Variants in KCND2 observed in about 807,000 individuals in gnomAD.
The protein encoded by KCND2 is A-type voltage-gated potassium channel KCND2.
KCND2 carries 16 observed loss-of-function variants against 54.4 expected under a neutral mutation model. That is an observed-to-expected ratio of 0.29 (90% CI 0.20 to 0.45). The LOEUF (loss-of-function observed/expected upper bound fraction) is 0.45. Ranked by LOEUF, KCND2 falls within the 20% of genes least tolerant of loss-of-function variation. The pLI is 1.00. For synonymous variants in KCND2, 317 were observed against 310.7 expected, an observed-to-expected ratio of 1.02 and a Z score of -0.21; for missense variants, 486 against 824.2, an observed-to-expected ratio of 0.59 and a Z score of 5.02.
chr7:120,426,360 T>C (rs1801705806), intron 1 of KCND2, among the ~76,000 whole-genome samples: 1 of 152,164 alleles, frequency 6.6e-6, no homozygotes, highest in Non-Finnish European at 1.5e-5. Flanking sequence ...ATAGGATTTC[T>C]TCATGTTCCA....
chr7:120,537,478 C>G (rs999618001), intron 1 of KCND2, among the ~76,000 whole-genome samples: 1 of 152,162 alleles, frequency 6.6e-6, no homozygotes, highest in Non-Finnish European at 1.5e-5. Flanking sequence ...TATCCCCTAA[C>G]AAGAAAGTCA....
At chr7:120,659,010 T>C (rs1791836115) in intron 1 of KCND2, among the ~76,000 whole-genome samples, 1 of 152,226 alleles carries the variant, frequency 6.6e-6, no homozygotes, top group African/African-American at 2.4e-5. Context: ...CCTAACTTTA[T>C]ACATAACAGT....
chr7:120,430,270 G>A (rs927224271), intron 1 of KCND2, among the ~76,000 whole-genome samples: 1 of 151,920 alleles, frequency 6.6e-6, no homozygotes, highest in Non-Finnish European at 1.5e-5. Flanking sequence ...TGCCTCCCTG[G>A]TGTCTCTCCT....
chr7:120,626,086 A>G (rs1427977081), intron 1 of KCND2, among the ~76,000 whole-genome samples: 1 of 152,140 alleles, frequency 6.6e-6, no homozygotes, highest in African/African-American at 2.4e-5. Context: ...ATTTAAGATT[A>G]CTATTAAGAA....
At chr7:120,479,924 G>A (rs371231103) in intron 1 of KCND2, among the ~76,000 whole-genome samples, 4 of 141,368 alleles carry the variant, frequency 2.8e-5, no homozygotes, top group East Asian at 4.2e-4. Context: ...CCGAGATCGC[G>A]CCACTGCACT....
intron 1 of KCND2, among the ~76,000 whole-genome samples, chr7:120,649,109 G>T (rs1177203885): frequency 1.3e-5 from 2 of 151,950 alleles, no homozygotes; most frequent in Non-Finnish European, 2.9e-5. Flanking sequence ...GAAAAGTAAG[G>T]CTAGAATTAT....
intron 1 of KCND2, among the ~76,000 whole-genome samples, chr7:120,305,316 G>A (rs1398961770): frequency 6.6e-6 from 1 of 151,964 alleles, no homozygotes; most frequent in Non-Finnish European, 1.5e-5. Flanking sequence ...TTTCTTGTGG[G>A]CCTAGCTATG....
In KCND2 at chr7:120,530,124, C is replaced by G. The variant is rs566751905; in HGVS notation, c.1116-202779C>G. Among the ~76,000 whole-genome samples, 10 of 152,124 alleles carry G rather than the reference C, an allele frequency of 6.6e-5. No homozygotes were observed. The East Asian group carries it at 1.9e-3, about 29-fold the overall frequency. Reference sequence around the variant, plus strand: ...TTAATAAGATGTACTGTTCATAGCACAACAGATTGACTATTGTCAATAATA... The same window carrying G: ...TTAATAAGATGTACTGTTCATAGCAGAACAGATTGACTATTGTCAATAATA... On this transcript the variant is annotated intron_variant, in intron 1 of 5. Transcript: ENST00000331113.
At chr7:120,456,000 G>A (rs948323853) in intron 1 of KCND2, among the ~76,000 whole-genome samples, 5 of 152,018 alleles carry the variant, frequency 3.3e-5, no homozygotes, top group Admixed American at 2.6e-4. Context: ...CATGGGGTCT[G>A]TACACTTATG....
rs185409549 is a variant in KCND2 at position 120,314,778 on chromosome 7, T to C, written c.1115+39031T>C. 3.8e-3 allele frequency among the ~76,000 whole-genome samples: 582 copies of C among 152,336 alleles called. 6 individuals carry two copies. Among genetic ancestry groups the C allele is most frequent in the African/African-American group, 0.013 (540 of 41,582 alleles). On this transcript the variant is annotated intron_variant, in intron 1 of 5. Transcript: ENST00000331113. ...TAAAGGTTATGTAACTTGAAATCTA[T>C]AGTAGTCTCTACATAGATGTGGATG...
intron 1 of KCND2, among the ~76,000 whole-genome samples, chr7:120,315,290 T>C (rs10488284): frequency 0.045 from 6,838 of 152,188 alleles, 237 homozygotes; most frequent in Non-Finnish European, 0.065. Context: ...GAGTTTTCTG[T>C]GGGAATTTGT....
intron 1 of KCND2, among the ~76,000 whole-genome samples, chr7:120,712,350 GC>G (rs1174372584): frequency 7.8e-6 from 1 of 128,204 alleles, no homozygotes; most frequent in Non-Finnish European, 1.6e-5. Context: ...TGCAACCTCT[GC>G]CTCCCCAGTT....
chr7:120,464,989 C>A (rs1802347152), intron 1 of KCND2, among the ~76,000 whole-genome samples: 1 of 152,152 alleles, frequency 6.6e-6, no homozygotes, highest in Non-Finnish European at 1.5e-5. Context: ...ACTGTAATTA[C>A]AACAGTAAAA....
chr7:120,533,480 G>T (rs535364946), intron 1 of KCND2, among the ~76,000 whole-genome samples: 86 of 152,116 alleles, frequency 5.7e-4, no homozygotes, highest in African/African-American at 1.8e-3. Flanking sequence ...TGTTTTTATG[G>T]TATATGATTA....
chr7:120,400,052 T>A (rs1451473692), intron 1 of KCND2, among the ~76,000 whole-genome samples: 2 of 152,118 alleles, frequency 1.3e-5, no homozygotes, highest in Non-Finnish European at 2.9e-5. Flanking sequence ...AATTAAAATT[T>A]CAGTGACATT....
intron 1 of KCND2, among the ~76,000 whole-genome samples, chr7:120,527,781 C>T (rs1184680230): frequency 1.3e-5 from 2 of 151,768 alleles, no homozygotes; most frequent in East Asian, 1.9e-4. Flanking sequence ...CTCACTCTTC[C>T]CAAATTCCTC....
At chr7:120,648,613 T>C (rs1392657657) in intron 1 of KCND2, among the ~76,000 whole-genome samples, 2 of 152,138 alleles carry the variant, frequency 1.3e-5, no homozygotes, top group East Asian at 1.9e-4. Flanking sequence ...GTGAAGGAAT[T>C]GGGGTCACTG....
At chr7:120,727,060 G>T (rs191489114) in intron 1 of KCND2, among the ~76,000 whole-genome samples, 55 of 152,074 alleles carry the variant, frequency 3.6e-4, no homozygotes, top group Non-Finnish European at 7.4e-4. Context: ...GGAAAGTCAC[G>T]CATTAGCTAG....
At chr7:120,631,715 C>A (rs1311249243) in intron 1 of KCND2, among the ~76,000 whole-genome samples, 2 of 151,984 alleles carry the variant, frequency 1.3e-5, no homozygotes, top group African/African-American at 4.8e-5. Flanking sequence ...AAAATGTGGA[C>A]AAGTAATTTT....
Sources: gnomAD v4.1 joint callset for allele counts (sites outside exome capture counted in the v4.1 genomes callset) on GRCh38, gnomAD v4.1.1 for gene constraint, MANE v1.5 for transcripts, NCBI Gene and HGNC (gene_info 2026-07-23, HGNC 2026-07-21) for gene names.